Variants in NRP1 observed in about 807,000 individuals in gnomAD.
NRP1 encodes the protein neuropilin-1.
A neutral mutation model predicts 106.7 loss-of-function variants in NRP1; 35 were observed. The observed-to-expected ratio is 0.33, with a 90% CI of 0.25 to 0.43. NRP1 has a LOEUF of 0.43. Among genes scored for constraint, NRP1 ranks in the 20% least tolerant of loss-of-function variants. The pLI is 1.00. For synonymous variants in NRP1, 437 were observed against 417.9 expected (o/e 1.05, Z -0.56); for missense variants, 1,024 against 1,170.4 (o/e 0.87, Z 1.83).
rs1413431395 is a variant in NRP1 at position 33,199,367 on chromosome 10, C to CTATATATATATA, written c.1865-1670_1865-1659dup. Among the ~76,000 whole-genome samples the CTATATATATATA allele has an allele frequency of 7.3e-3, 394 of 54,216 alleles. 29 individuals are homozygous for CTATATATATATA. The highest frequency in any genetic ancestry group is 0.014 in the African/African-American group (186 of 13,686). 35.6% of individuals were successfully genotyped at this position (54,216 alleles called of 152,430 possible). ...GTGCGCCACCATGCCTGGCTGTTTT[C>CTATATATATATA]TATATATATATATATATATATATTT... On this transcript the variant is annotated intron_variant, in intron 11 of 16. Coordinates refer to ENST00000374867, the MANE Select transcript of NRP1 (RefSeq NM_003873.7).
chr10:33,207,205 AAG>A (rs1837857739), intron 10 of NRP1, among the ~76,000 whole-genome samples: 1 of 152,202 alleles, frequency 6.6e-6, no homozygotes, highest in Non-Finnish European at 1.5e-5. Flanking sequence ...TGGAACTAGA[AAG>A]AGGGTAGTTG....
At chr10:33,319,593 T>C (rs1232881448) in intron 2 of NRP1, among the ~76,000 whole-genome samples, 11 of 148,732 alleles carry the variant, frequency 7.4e-5, no homozygotes, top group South Asian at 6.5e-4. Flanking sequence ...TCTTTCTTTT[T>C]TTTTTTTTTT....
At chr10:33,310,038 C>T (rs1174500340) in intron 2 of NRP1, among the ~76,000 whole-genome samples, 44 of 151,692 alleles carry the variant, frequency 2.9e-4, no homozygotes, top group Non-Finnish European at 4.9e-4. Context: ...ACCTCCGCCT[C>T]CCGGGTTCAC....
At chr10:33,289,321 CT>C (rs905642153) in intron 2 of NRP1, among the ~76,000 whole-genome samples, 1 of 152,130 alleles carries the variant, frequency 6.6e-6, no homozygotes, top group Non-Finnish European at 1.5e-5. Flanking sequence ...ACTTAGGGGG[CT>C]TAGTCTCACC....
intron 2 of NRP1, among the ~76,000 whole-genome samples, chr10:33,279,694 G>C (rs1003115647): frequency 3.3e-5 from 5 of 151,988 alleles, no homozygotes; most frequent in Admixed American, 6.6e-5. Flanking sequence ...TGCGGATCTT[G>C]GGGACCCTCT....
chr10:33,268,683 C>A (rs1843090239), intron 3 of NRP1, among the ~76,000 whole-genome samples: 1 of 152,174 alleles, frequency 6.6e-6, no homozygotes. Flanking sequence ...TTTTCTGACA[C>A]CTTTGTCTTT....
chr10:33,263,855 T>C lies in NRP1; in HGVS notation c.449A>G (p.Asn150Ser). The C allele has an allele frequency of 6.2e-7, 1 of 1,612,200 alleles. No homozygotes were observed. The highest frequency in any genetic ancestry group is 8.5e-7 in the Non-Finnish European group (1 of 1,178,308). The change falls in exon 4 of 17, where the codon AAC (asparagine) becomes AGC (serine). Residue 150 changes from asparagine to serine, a missense_variant. By Grantham distance (46) the Asn-to-Ser change is conservative (BLOSUM62 1). Coordinates refer to ENST00000374867, the MANE Select transcript of NRP1 (RefSeq NM_003873.7). ...IFKRGPECSQ[N>S]YTTPSGVIKS... Reference sequence around the variant, plus strand: ...TATCACTCCACTAGGTGTTGTGTAGTTCTGGGAACATTCAGGACCTATGAG... The same window carrying C: ...TATCACTCCACTAGGTGTTGTGTAGCTCTGGGAACATTCAGGACCTATGAG...
At chr10:33,290,959 TTCC>T (rs1844951393) in intron 2 of NRP1, among the ~76,000 whole-genome samples, 1 of 152,150 alleles carries the variant, frequency 6.6e-6, no homozygotes, top group Non-Finnish European at 1.5e-5. Context: ...GATCTCTTTC[TTCC>T]AGCCCTGCGT....
intron 2 of NRP1, among the ~76,000 whole-genome samples, chr10:33,309,577 T>C (rs1294025438): frequency 1.3e-5 from 2 of 152,206 alleles, no homozygotes; most frequent in Non-Finnish European, 2.9e-5. Context: ...CCTGTATTTC[T>C]TTCTAGCACC....
At position 33,180,389 on chromosome 10, in the gene NRP1, TC is replaced by T. The variant is rs768984269; in HGVS notation, c.2483-25del. On this transcript the variant is annotated intron_variant, in intron 16 of 16. Transcript: ENST00000374867. The stretch of plus-strand genomic sequence containing the variant: ...CCCTATGGAAAAAAACAATATTGTC[TC>T]CGTGAGCACCGCCAACAGACCAGAT... 20 of 1,551,772 alleles carry T rather than the reference TC, an allele frequency of 1.3e-5. No homozygotes were observed. In the Admixed American group the frequency reaches 3.2e-4, roughly 25 times the overall value.
chr10:33,320,293 T>A (rs1204082753), intron 2 of NRP1, among the ~76,000 whole-genome samples: 1 of 148,636 alleles, frequency 6.7e-6, no homozygotes, highest in East Asian at 2.0e-4. Flanking sequence ...AGCCTGGCGA[T>A]GGAGCAATAC....
chr10:33,290,453 G>A (rs759587040), intron 2 of NRP1, among the ~76,000 whole-genome samples: 7 of 151,166 alleles, frequency 4.6e-5, no homozygotes, highest in East Asian at 2.0e-4. Context: ...AATTCCAGTC[G>A]CCAGATGATT....
intron 11 of NRP1, chr10:33,202,515 G>A: frequency 8.0e-7 from 1 of 1,248,930 alleles, no homozygotes. Context: ...ATTAGAAAAT[G>A]AAAATAAACA....
At chr10:33,276,727 C>A (rs1453988473) in intron 2 of NRP1, among the ~76,000 whole-genome samples, 1 of 152,100 alleles carries the variant, frequency 6.6e-6, no homozygotes, top group Non-Finnish European at 1.5e-5. Flanking sequence ...ATCGGTGATT[C>A]ATTTTTCCAC....
At chr10:33,181,546 G>A (rs1485207633) in intron 16 of NRP1, among the ~76,000 whole-genome samples, 2 of 152,228 alleles carry the variant, frequency 1.3e-5, no homozygotes, top group African/African-American at 4.8e-5. Context: ...TGATGGTGGA[G>A]CAAGTGTCCA....
intron 1 of NRP1, among the ~76,000 whole-genome samples, chr10:33,332,071 G>T (rs1485352440): frequency 6.6e-6 from 1 of 151,950 alleles, no homozygotes; most frequent in East Asian, 1.9e-4. Context: ...CAGGTCAAAT[G>T]GAAATGAAAG....
At chr10:33,282,672 A>G (rs1844226298) in intron 2 of NRP1, among the ~76,000 whole-genome samples, 1 of 152,186 alleles carries the variant, frequency 6.6e-6, no homozygotes, top group East Asian at 1.9e-4. Context: ...TTGAAGAAAA[A>G]TGGGTCTACT....
At chr10:33,279,795 G>T (rs180872119) in intron 2 of NRP1, among the ~76,000 whole-genome samples, 63 of 152,296 alleles carry the variant, frequency 4.1e-4, no homozygotes, top group Middle Eastern at 3.4e-3. Flanking sequence ...GGGATCATCT[G>T]CTCCATCTTC....
intron 6 of NRP1, among the ~76,000 whole-genome samples, chr10:33,242,164 C>T (rs1841075645): frequency 6.6e-6 from 1 of 152,154 alleles, no homozygotes; most frequent in Admixed American, 6.6e-5. Flanking sequence ...AGACACAGGG[C>T]TGTCCAGATG....
Sources: gnomAD v4.1 joint callset for allele counts (sites outside exome capture counted in the v4.1 genomes callset) on GRCh38, gnomAD v4.1.1 for gene constraint, MANE v1.5 for transcripts, NCBI Gene and HGNC (gene_info 2026-07-23, HGNC 2026-07-21) for gene names.